The following COL4A4 variants were observed in gnomAD, a reference collection of about 807,000 sequenced individuals.
COL4A4 encodes collagen type IV alpha 4 chain.
COL4A4 carries 105 observed loss-of-function variants against 192.9 expected under a neutral mutation model. That is an observed-to-expected ratio of 0.54 (90% confidence interval 0.46 to 0.64). COL4A4 has a LOEUF of 0.64. Among genes scored for constraint, COL4A4 ranks in the 30% least tolerant of loss-of-function variants. The pLI is 0.00. For missense variants in COL4A4, 1,967 were observed against 2,169.3 expected, an observed-to-expected ratio of 0.91 and a Z score of 1.85; for synonymous variants, 762 against 769.9, an observed-to-expected ratio of 0.99 and a Z score of 0.17.
rs997345457 is a variant in COL4A4 at position 227,047,390 on chromosome 2, C to T, written c.3289+85G>A. On this transcript the variant is annotated intron_variant, in intron 35 of 47. Transcript: ENST00000396625. ...ACAAAGGGGTAAGAAAATATTGATACGATCATTGCCAGCTAGAAGTAATTG... is the reference window on the plus strand; with the variant it reads ...ACAAAGGGGTAAGAAAATATTGATATGATCATTGCCAGCTAGAAGTAATTG... 4.4e-5 allele frequency: 42 copies of T among 959,166 alleles called. 1 individual carries two copies. Among genetic ancestry groups the T allele is most frequent in the East Asian group, 2.0e-4 (8 of 39,656 alleles). 59.4% of individuals were successfully genotyped at this position (959,166 alleles called of 1,614,324 possible). A position where few individuals can be genotyped will look rare whatever the true frequency, so the allele number is the denominator to read the frequency against.
chr2:227,068,765 G>A (rs1464994979), intron 25 of COL4A4, among the ~76,000 whole-genome samples: 1 of 148,712 alleles, frequency 6.7e-6, no homozygotes, highest in South Asian at 2.2e-4. Context: ...ATATCATACT[G>A]AATGGGCAAA....
At chr2:227,061,044 CCTT>C (rs974319488) in intron 26 of COL4A4, among the ~76,000 whole-genome samples, 54 of 152,210 alleles carry the variant, frequency 3.5e-4, no homozygotes, top group African/African-American at 1.3e-3. Context: ...CTATTTTAAA[CCTT>C]CTGTGATTTT....
chr2:227,041,825 AAAG>A (rs1338785470), intron 37 of COL4A4, among the ~76,000 whole-genome samples: 9 of 38,590 alleles, frequency 2.3e-4, no homozygotes, highest in African/African-American at 1.3e-3. Flanking sequence ...AGAAAGAAAG[AAAG>A]AAAGAAAGAA....
At chr2:227,144,421 G>T in intron 3 of COL4A4, 95 bp downstream of exon 3, 1 of 1,047,468 alleles carries the variant, frequency 9.5e-7, no homozygotes. Context: ...AGAAAATTGA[G>T]TCCCAGAGGG....
At position 227,004,816 on chromosome 2, in the gene COL4A4, C is replaced by T. The variant is rs1203292324; in HGVS notation, c.*2509G>A. 6.6e-6 allele frequency: 1 copy of T among 152,176 alleles called. No homozygotes were observed. The highest frequency in any genetic ancestry group is 6.5e-5 in the Admixed American group (1 of 15,268). 9.4% of individuals were successfully genotyped at this position (152,176 alleles called of 1,614,324 possible). A position where few individuals can be genotyped will look rare whatever the true frequency, so the allele number is the denominator to read the frequency against. ...AGCACGGGCACAGAACAGAACAGTT[C>T]CCATTAGGGCAATCTAGGCACGTTC... On this transcript the variant is annotated 3_prime_UTR_variant, in exon 48 of 48. Coordinates refer to ENST00000396625, the MANE Select transcript of COL4A4 (RefSeq NM_000092.5).
the COL4A4 span, among the ~76,000 whole-genome samples, chr2:226,991,187 A>T: frequency 2.5e-3 from 383 of 152,220 alleles, no homozygotes; most frequent in African/African-American, 8.8e-3. Context: ...GTCATTTTAT[A>T]TATCTCTTTT....
chr2:227,088,799 C>A lies in COL4A4; in HGVS notation c.1477G>T (p.Ala493Ser), dbSNP rs959664730. The change falls in exon 22 of 48, where the codon GCC becomes TCC. Residue 493 changes from alanine to serine, a missense_variant. Physicochemically the swap from Ala to Ser is moderately conservative, Grantham distance 99 (BLOSUM62 1). Transcript: ENST00000396625. ...GGGCCCATGGGTCCAGGCTCACAGG[C>A]ACAGAGTCCTTCATTTCCTAGACAG... ...KGEKGNEGLC[A>S]CEPGPMGPPG... 1 of 1,614,150 alleles carries A rather than the reference C, an allele frequency of 6.2e-7. No individual in the cohort carries two copies. Among genetic ancestry groups the A allele is most frequent in the Non-Finnish European group, 8.5e-7 (1 of 1,180,022 alleles).
chr2:227,044,648 G>A (rs1040438993), intron 35 of COL4A4, among the ~76,000 whole-genome samples: 4 of 151,950 alleles, frequency 2.6e-5, no homozygotes, highest in African/African-American at 9.7e-5. Flanking sequence ...TGAATTTTGT[G>A]GGGTTGTGTT....
chr2:227,010,596 CAG>C (rs1375886494), intron 45 of COL4A4, 95 bp from the exon 46 acceptor site: 1 of 1,065,516 alleles, frequency 9.4e-7, no homozygotes. Context: ...GCTAAGCACT[CAG>C]GGAGCAGAGG....
At chr2:227,044,111 G>C (rs1267724024) in intron 35 of COL4A4, among the ~76,000 whole-genome samples, 1 of 152,172 alleles carries the variant, frequency 6.6e-6, no homozygotes, top group Non-Finnish European at 1.5e-5. Context: ...TCTTGATACA[G>C]GTTGCCAGTA....
At chr2:227,119,344 C>CATATATA (rs2061653725) in intron 6 of COL4A4, among the ~76,000 whole-genome samples, 1 of 151,062 alleles carries the variant, frequency 6.6e-6, no homozygotes, top group Non-Finnish European at 1.5e-5. Flanking sequence ...AAAGAGTTTG[C>CATATATA]TATGTATAAT....
intron 19 of COL4A4, 122 bp downstream of exon 19, chr2:227,098,572 C>T (rs563288332): frequency 1.7e-5 from 13 of 750,258 alleles, no homozygotes; most frequent in African/African-American, 3.5e-5. Flanking sequence ...GCACAGGCAT[C>T]GGTATTATTT....
intron 4 of COL4A4, among the ~76,000 whole-genome samples, chr2:227,131,824 G>A (rs2062491248): frequency 6.6e-6 from 1 of 152,160 alleles, no homozygotes; most frequent in East Asian, 1.9e-4. Flanking sequence ...AGAGGAGCAG[G>A]CGATGTGAAG....
intron 1 of COL4A4, among the ~76,000 whole-genome samples, chr2:227,157,860 C>T (rs111342634): frequency 5.3e-5 from 8 of 151,932 alleles, no homozygotes; most frequent in African/African-American, 1.9e-4. Context: ...TTTTTTATAT[C>T]CTCTTTCTGA....
intron 47 of COL4A4, 32 bp downstream of exon 47, chr2:227,007,986 T>A (rs774839933): frequency 6.2e-7 from 1 of 1,602,830 alleles, no homozygotes; most frequent in Non-Finnish European, 8.5e-7. Flanking sequence ...AAATGGTGAA[T>A]GAGCCAGGGT....
chr2:226,985,286 C>T, the COL4A4 span, among the ~76,000 whole-genome samples: 1 of 152,156 alleles, frequency 6.6e-6, no homozygotes, highest in Non-Finnish European at 1.5e-5. Flanking sequence ...TGTCAGTCTC[C>T]TCTGCTCTGG....
At chr2:227,161,659 G>A (rs1057071262) in intron 1 of COL4A4, among the ~76,000 whole-genome samples, 8 of 152,142 alleles carry the variant, frequency 5.3e-5, no homozygotes, top group African/African-American at 1.9e-4. Flanking sequence ...AGTACCAGGT[G>A]CATACGAATC....
At chr2:227,111,853 G>A in intron 8 of COL4A4, 140 bp from the exon 9 acceptor site, 1 of 838,036 alleles carries the variant, frequency 1.2e-6, no homozygotes, top group Non-Finnish European at 2.0e-6. Flanking sequence ...GACTAAAATT[G>A]AGGAAGGGAT....
At chr2:227,126,039 G>A (rs1172433746) in intron 4 of COL4A4, among the ~76,000 whole-genome samples, 1 of 151,932 alleles carries the variant, frequency 6.6e-6, no homozygotes, top group Non-Finnish European at 1.5e-5. Context: ...CCCGTTCTGA[G>A]GACTCAACCG....
Sources: allele counts gnomAD v4.1 joint callset (sites outside exome capture counted in the v4.1 genomes callset), GRCh38; gene constraint gnomAD v4.1.1; transcripts MANE v1.5; gene names NCBI Gene and HGNC (gene_info 2026-07-23, HGNC 2026-07-21).